ZNF804B: variants seen among roughly 807,000 people sequenced by gnomAD.
ZNF804B encodes the protein zinc finger protein 804B.
A neutral mutation model predicts 101.4 loss-of-function variants in ZNF804B; 80 were observed. The ratio of observed to expected loss-of-function variants is 0.79; its 90% CI spans 0.66 to 0.95. The LOEUF (loss-of-function observed/expected upper bound fraction) is 0.95. ZNF804B is among the 40% of genes least tolerant of loss of function. The pLI, the probability that ZNF804B is intolerant of heterozygous loss-of-function variation, is 0.00. For synonymous variants in ZNF804B, 622 were observed against 558.8 expected, an observed-to-expected ratio of 1.11 and a Z score of -1.59; for missense variants, 1,673 against 1,561.9, an observed-to-expected ratio of 1.07 and a Z score of -1.20.
At chr7:89,003,567 G>A (rs1263040614) in intron 1 of ZNF804B, among the ~76,000 whole-genome samples, 3 of 151,906 alleles carry the variant, frequency 2.0e-5, no homozygotes, top group Non-Finnish European at 4.4e-5. Flanking sequence ...ATTTTAGTAT[G>A]AGAATGAGTC....
intron 2 of ZNF804B, among the ~76,000 whole-genome samples, chr7:89,315,200 A>T (rs1274544517): frequency 6.6e-6 from 1 of 152,110 alleles, no homozygotes. Context: ...ATCATGTCTC[A>T]TGAGAACTCA....
intron 1 of ZNF804B, among the ~76,000 whole-genome samples, chr7:89,196,356 C>T (rs937130546): frequency 1.4e-4 from 21 of 152,170 alleles, no homozygotes; most frequent in African/African-American, 5.1e-4. Context: ...TTTGACAAAC[C>T]TGACAGTGAT....
chr7:89,323,938 G>T (rs1225264350), intron 2 of ZNF804B, among the ~76,000 whole-genome samples: 2 of 152,060 alleles, frequency 1.3e-5, no homozygotes, highest in Non-Finnish European at 2.9e-5. Flanking sequence ...TGAAGTAAAT[G>T]AGTTCTTGTC....
chr7:88,840,832 A>G (rs948158609), intron 1 of ZNF804B, among the ~76,000 whole-genome samples: 3 of 152,200 alleles, frequency 2.0e-5, no homozygotes, highest in African/African-American at 7.2e-5. Flanking sequence ...CAAAGTACAC[A>G]TTGATCTATA....
At chr7:89,163,667 A>C (rs1217169165) in intron 1 of ZNF804B, among the ~76,000 whole-genome samples, 5 of 93,898 alleles carry the variant, frequency 5.3e-5, no homozygotes, top group Non-Finnish European at 1.0e-4. Flanking sequence ...CACTTTTAGC[A>C]AAAAAAAATG....
intron 1 of ZNF804B, among the ~76,000 whole-genome samples, chr7:89,034,651 T>A (rs982446469): frequency 6.6e-6 from 1 of 152,220 alleles, no homozygotes; most frequent in Non-Finnish European, 1.5e-5. Context: ...AGTCTATCAC[T>A]GATGGGCATT....
At chr7:89,121,554 T>C (rs1341727810) in intron 1 of ZNF804B, among the ~76,000 whole-genome samples, 2 of 152,152 alleles carry the variant, frequency 1.3e-5, no homozygotes, top group African/African-American at 4.8e-5. Flanking sequence ...AAAAAGAAAG[T>C]AACATGTTAA....
chr7:89,110,121 G>A lies in ZNF804B; in HGVS notation c.109-108034G>A, dbSNP rs138553852. ...GAGAGTACAGACAGGAAAGGATAAT[G>A]TTTCAGAAAATTTTCAGTGGTAGGT... On this transcript the variant is annotated intron_variant, in intron 1 of 3. Coordinates refer to ENST00000333190, the MANE Select transcript of ZNF804B (RefSeq NM_181646.5). Among the ~76,000 whole-genome samples the A allele has an allele frequency of 7.1e-4, 108 of 152,236 alleles. 4 individuals are homozygous for A. In the East Asian group the frequency reaches 0.018, roughly 25 times the overall value.
chr7:89,125,748 G>C (rs183700651), intron 1 of ZNF804B, among the ~76,000 whole-genome samples: 1 of 152,156 alleles, frequency 6.6e-6, no homozygotes, highest in Non-Finnish European at 1.5e-5. Flanking sequence ...GCCTGTCTAT[G>C]CCTCCTTTGT....
chr7:89,294,132 A>C (rs181620223), intron 2 of ZNF804B, among the ~76,000 whole-genome samples: 130 of 152,240 alleles, frequency 8.5e-4, no homozygotes, highest in Admixed American at 5.3e-3. Flanking sequence ...CAACTCTTTG[A>C]TGCATTCAAG....
intron 1 of ZNF804B, among the ~76,000 whole-genome samples, chr7:88,954,086 C>T (rs1272320146): frequency 6.6e-6 from 1 of 151,626 alleles, no homozygotes; most frequent in Non-Finnish European, 1.5e-5. Flanking sequence ...GAAAGTTTGA[C>T]TGATTAAATA....
chr7:89,197,001 T>A (rs895406453), intron 1 of ZNF804B, among the ~76,000 whole-genome samples: 2 of 151,626 alleles, frequency 1.3e-5, no homozygotes, highest in Non-Finnish European at 3.0e-5. Context: ...GAAATAGGAA[T>A]GCTTTTACAC....
rs955066223 is a variant in ZNF804B at position 89,335,025 on chromosome 7, C to T, written c.2043C>T (p.His681=). 5.6e-6 allele frequency: 9 copies of T among 1,613,842 alleles called. No homozygotes were observed. The highest frequency in any genetic ancestry group is 1.1e-5 in the South Asian group (1 of 91,078). ...TCAGTGTAATTTTGAAGAGTAACCA[C>T]ATCAGCATGACCAGCAAGGTTTCCG... is the stretch of plus-strand genomic sequence containing the variant. ...KDFSVILKSN[H]ISMTSKVSGC... The change falls in exon 4 of 4, where the codon CAC becomes CAT. Residue 681 remains histidine (H), a synonymous_variant. Transcript: ENST00000333190.
chr7:89,131,507 C>T (rs10268150), intron 1 of ZNF804B, among the ~76,000 whole-genome samples: 45,191 of 151,712 alleles, frequency 0.3, 7,252 homozygotes, highest in East Asian at 0.57. Flanking sequence ...GACCCCATAA[C>T]TGGCTAGCCA....
At chr7:88,817,397 A>C (rs1206103454) in intron 1 of ZNF804B, among the ~76,000 whole-genome samples, 2 of 152,060 alleles carry the variant, frequency 1.3e-5, no homozygotes, top group Non-Finnish European at 2.9e-5. Flanking sequence ...ATTAAAAAAA[A>C]ATTCCACCAT....
At chr7:89,283,001 C>A (rs1338316801) in intron 2 of ZNF804B, among the ~76,000 whole-genome samples, 1 of 151,730 alleles carries the variant, frequency 6.6e-6, no homozygotes, top group South Asian at 2.1e-4. Context: ...GTTATATCAG[C>A]CATAGGAAAT....
chr7:88,821,323 A>G (rs540763375), intron 1 of ZNF804B, among the ~76,000 whole-genome samples: 1 of 152,338 alleles, frequency 6.6e-6, no homozygotes, highest in East Asian at 1.9e-4. Flanking sequence ...TCCTACTTTA[A>G]ATAAAAGAAT....
chr7:89,184,566 A>T (rs1170502517), intron 1 of ZNF804B, among the ~76,000 whole-genome samples: 1 of 152,128 alleles, frequency 6.6e-6, no homozygotes. Flanking sequence ...TATTAATAAT[A>T]ATTTAGTGCA....
At chr7:89,104,509 T>C (rs746400170) in intron 1 of ZNF804B, among the ~76,000 whole-genome samples, 1 of 151,966 alleles carries the variant, frequency 6.6e-6, no homozygotes, top group Non-Finnish European at 1.5e-5. Context: ...TTTCCCTAAG[T>C]TTTCTAGTTT....
Sources: gnomAD v4.1 joint callset for allele counts (sites outside exome capture counted in the v4.1 genomes callset) on GRCh38, gnomAD v4.1.1 for gene constraint, MANE v1.5 for transcripts, NCBI Gene and HGNC (gene_info 2026-07-23, HGNC 2026-07-21) for gene names.